Variants in SBF2 observed in about 807,000 individuals in gnomAD.
SBF2 encodes the protein SET binding factor 2.
In SBF2, 112 loss-of-function variants were observed where a neutral mutation model predicts 225.2. That is an observed-to-expected ratio of 0.50 (90% CI 0.43 to 0.58). The LOEUF is 0.58. Among genes scored for constraint, SBF2 ranks in the 20% least tolerant of loss-of-function variants. The pLI, the probability that SBF2 is intolerant of heterozygous loss-of-function variation, is 0.00. For missense variants in SBF2, 1,996 were observed against 2,206.2 expected, an observed-to-expected ratio of 0.90 and a Z score of 1.91; for synonymous variants, 763 against 773.3, an observed-to-expected ratio of 0.99 and a Z score of 0.22.
chr11:9,781,874 GTA>G (rs1852030757), intron 38 of SBF2, among the ~76,000 whole-genome samples: 1 of 152,142 alleles, frequency 6.6e-6, no homozygotes, highest in Admixed American at 6.5e-5. Flanking sequence ...ACAAATAAAT[GTA>G]TTACATCTTA....
intron 14 of SBF2, among the ~76,000 whole-genome samples, chr11:9,965,199 T>C (rs547009040): frequency 6.6e-6 from 1 of 152,116 alleles, no homozygotes; most frequent in Non-Finnish European, 1.5e-5. Context: ...CCCTTCACCT[T>C]CTCCCATACC....
At chr11:9,868,793 T>C (rs1219965039) in intron 17 of SBF2, among the ~76,000 whole-genome samples, 2 of 152,220 alleles carry the variant, frequency 1.3e-5, no homozygotes, top group African/African-American at 2.4e-5. Flanking sequence ...TCCTCTGTGT[T>C]TTCCTACAAA....
intron 9 of SBF2, among the ~76,000 whole-genome samples, chr11:9,995,047 A>AT (rs568858928): frequency 9.3e-5 from 14 of 150,868 alleles, no homozygotes; most frequent in Admixed American, 6.7e-4. Context: ...TCTCAAAAAA[A>AT]AAAAAATAAA....
intron 2 of SBF2, among the ~76,000 whole-genome samples, chr11:10,084,322 G>A (rs772485693): frequency 1.3e-4 from 20 of 151,944 alleles, no homozygotes; most frequent in Middle Eastern, 3.4e-3. Context: ...AAAAGCATAG[G>A]AAAAAATGCT....
chr11:9,787,838 G>T, intron 35 of SBF2, 100 bp from the exon 36 acceptor site: 1 of 992,208 alleles, frequency 1.0e-6, no homozygotes, highest in South Asian at 1.4e-5. Context: ...GAGCAGCATG[G>T]CCAGAGGGCA....
At chr11:9,972,706 C>T (rs1031593617) in intron 13 of SBF2, among the ~76,000 whole-genome samples, 17 of 152,218 alleles carry the variant, frequency 1.1e-4, no homozygotes, top group African/African-American at 3.9e-4. Flanking sequence ...TGGTCTCAAA[C>T]TTCTGACCTC....
intron 6 of SBF2, among the ~76,000 whole-genome samples, chr11:10,008,810 G>T (rs1252348155): frequency 6.6e-6 from 1 of 152,234 alleles, no homozygotes; most frequent in African/African-American, 2.4e-5. Flanking sequence ...ACTATTGAAG[G>T]GACAGAGCCA....
chr11:10,122,383 T>C (rs1057285030), intron 2 of SBF2, among the ~76,000 whole-genome samples: 1 of 152,184 alleles, frequency 6.6e-6, no homozygotes, highest in Non-Finnish European at 1.5e-5. Flanking sequence ...TCTTCGAACA[T>C]ATACTCCTCA....
At chr11:9,918,285 C>T (rs534770671) in intron 16 of SBF2, among the ~76,000 whole-genome samples, 134 of 152,222 alleles carry the variant, frequency 8.8e-4, no homozygotes, top group African/African-American at 2.9e-3. Flanking sequence ...CAGATTGCTT[C>T]TCTGTTTTCC....
Position 10,021,589 on chromosome 11 carries a change from A to G in SBF2, c.619+6863T>C, listed in dbSNP as rs183901745. Among the ~76,000 whole-genome samples, 5 of 152,310 alleles carry G rather than the reference A, an allele frequency of 3.3e-5. No individual in the cohort carries two copies. In the East Asian group the frequency reaches 9.6e-4, roughly 29 times the overall value. On this transcript the variant is annotated intron_variant, in intron 6 of 39. Coordinates refer to ENST00000256190, the MANE Select transcript of SBF2 (RefSeq NM_030962.4). ...TTCAGAAAAACACAGAGACCTTTTA[A>G]ACTGTGAAAAACAAATTCATTATCA... is the stretch of plus-strand genomic sequence containing the variant.
chr11:9,787,565 GCA>G lies in SBF2; in HGVS notation c.5037+67_5037+68del. 5 of 1,330,884 alleles carry G rather than the reference GCA, an allele frequency of 3.8e-6. No individual in the cohort carries two copies. In the South Asian group the frequency reaches 5.9e-5, roughly 16 times the overall value. The allele number at this position is 1,330,884 out of a possible 1,614,324, so 82.4% of individuals were successfully genotyped here. A position where few individuals can be genotyped will look rare whatever the true frequency, so the allele number is the denominator to read the frequency against. ...CAGCTGGGTCTTGTCACCTGTGGCAGCAGGCTCCACCTGACTTAGCACCCTCA... is the reference window on the plus strand; with the variant it reads ...CAGCTGGGTCTTGTCACCTGTGGCAGGGCTCCACCTGACTTAGCACCCTCA... On this transcript the variant is annotated intron_variant, in intron 36 of 39. Transcript: ENST00000256190.
At chr11:10,207,181 A>G (rs1867138) in intron 1 of SBF2, among the ~76,000 whole-genome samples, 30,689 of 152,040 alleles carry the variant, frequency 0.2, 3,364 homozygotes, top group East Asian at 0.29. Context: ...AGAAGAAAGC[A>G]GCACAACATT....
chr11:9,895,728 G>T (rs1028331721), intron 17 of SBF2, among the ~76,000 whole-genome samples: 1 of 152,160 alleles, frequency 6.6e-6, no homozygotes, highest in African/African-American at 2.4e-5. Flanking sequence ...GGAAAAGGAT[G>T]TAACGGGTGT....
At chr11:9,932,299 C>T (rs964531906) in intron 16 of SBF2, among the ~76,000 whole-genome samples, 6 of 152,026 alleles carry the variant, frequency 3.9e-5, no homozygotes, top group Non-Finnish European at 8.8e-5. Flanking sequence ...AGATACTCCT[C>T]GAGAAGAGCA....
chr11:9,865,410 C>T (rs1858106893), intron 17 of SBF2, among the ~76,000 whole-genome samples: 1 of 151,866 alleles, frequency 6.6e-6, no homozygotes, highest in Admixed American at 6.6e-5. Flanking sequence ...GAGGAAAAAG[C>T]CGGGCGCAGT....
intron 16 of SBF2, among the ~76,000 whole-genome samples, chr11:9,917,533 T>A (rs183619524): frequency 6.6e-6 from 1 of 151,700 alleles, no homozygotes; most frequent in South Asian, 2.1e-4. Context: ...GGTTTCACCA[T>A]GTTGCCCAGG....
At position 10,193,255 on chromosome 11, in the gene SBF2, A is replaced by G. The variant is rs187843458; in HGVS notation, c.141+647T>C. On this transcript the variant is annotated intron_variant, in intron 2 of 39. Transcript: ENST00000256190. ...GACATTTTCAGGAAAAAAAAAATATATATATGTGTATCCCTGAAGTTACTA... is the reference window on the plus strand; with the variant it reads ...GACATTTTCAGGAAAAAAAAAATATGTATATGTGTATCCCTGAAGTTACTA... Among the ~76,000 whole-genome samples the G allele has an allele frequency of 2.0e-3, 305 of 151,582 alleles. 2 individuals carry two copies. The highest frequency in any genetic ancestry group is 6.9e-3 in the African/African-American group (284 of 41,306).
At chr11:9,926,436 T>A (rs1159904828) in intron 16 of SBF2, among the ~76,000 whole-genome samples, 1 of 151,926 alleles carries the variant, frequency 6.6e-6, no homozygotes, top group Non-Finnish European at 1.5e-5. Flanking sequence ...GCTATACCAA[T>A]CAAAATTCTT....
intron 27 of SBF2, among the ~76,000 whole-genome samples, chr11:9,831,486 G>A (rs1855397139): frequency 6.6e-6 from 1 of 152,202 alleles, no homozygotes; most frequent in Non-Finnish European, 1.5e-5. Context: ...GGTTGTACCT[G>A]GTGAATCACA....
Sources: gnomAD v4.1 joint callset for allele counts (sites outside exome capture counted in the v4.1 genomes callset) on GRCh38, gnomAD v4.1.1 for gene constraint, MANE v1.5 for transcripts, NCBI Gene and HGNC (gene_info 2026-07-23, HGNC 2026-07-21) for gene names.